MIA2: variants seen among roughly 807,000 people sequenced by gnomAD.
MIA2 encodes MIA SH3 domain ER export factor 2.
In MIA2, 127 loss-of-function variants were observed where a neutral mutation model predicts 167.8. The observed-to-expected ratio is 0.76, with a 90% confidence interval of 0.66 to 0.88. MIA2 has a LOEUF of 0.88. MIA2 is among the 40% of genes least tolerant of loss of function. The probability of loss-of-function intolerance (pLI) is 0.00; values close to 1 mark genes in which losing one functional copy is unlikely to be tolerated. For missense variants in MIA2, 1,690 were observed against 1,624.7 expected, an observed-to-expected ratio of 1.04 and a Z score of -0.69; for synonymous variants, 552 against 541.9, an observed-to-expected ratio of 1.02 and a Z score of -0.26.
intron 6 of MIA2, among the ~76,000 whole-genome samples, chr14:39,257,335 T>C (rs900060957): frequency 1.3e-5 from 2 of 152,210 alleles, no homozygotes; most frequent in African/African-American, 4.8e-5. Flanking sequence ...TTTACCATTA[T>C]GTAATGCCCT....
At chr14:39,271,316 T>A (rs1246423038) in intron 6 of MIA2, among the ~76,000 whole-genome samples, 8 of 152,246 alleles carry the variant, frequency 5.3e-5, no homozygotes, top group Admixed American at 5.2e-4. Context: ...TTCATTGGTC[T>A]GTGTCTGTCC....
At chr14:39,314,910 T>C in intron 20 of MIA2, 111 bp downstream of exon 20, 4 of 814,498 alleles carry the variant, frequency 4.9e-6, no homozygotes, top group Non-Finnish European at 7.0e-6. Flanking sequence ...ACCAGTTGTA[T>C]ACCTCTTTTG....
At chr14:39,284,993 A>G (rs1234108156) in intron 9 of MIA2, among the ~76,000 whole-genome samples, 1 of 152,174 alleles carries the variant, frequency 6.6e-6, no homozygotes, top group Non-Finnish European at 1.5e-5. Flanking sequence ...TTAGCAAAGC[A>G]CATCTTGCAC....
intron 27 of MIA2, 49 bp downstream of exon 27, chr14:39,347,820 T>A: frequency 3.3e-4 from 139 of 423,254 alleles, no homozygotes; most frequent in Non-Finnish European, 4.4e-4. Context: ...GAAGCCTTCT[T>A]TTTTTTTTTT....
At chr14:39,384,268 C>CA (rs2075226106) in intron 23 of MIA2, among the ~76,000 whole-genome samples, 1 of 152,144 alleles carries the variant, frequency 6.6e-6, no homozygotes, top group Admixed American at 6.5e-5. Flanking sequence ...AATGGAACAA[C>CA]AAAGTGTGGA....
intron 9 of MIA2, among the ~76,000 whole-genome samples, chr14:39,289,403 CA>C (rs2060415029): frequency 6.6e-6 from 1 of 152,012 alleles, no homozygotes; most frequent in Non-Finnish European, 1.5e-5. Flanking sequence ...TTAGTAGAGA[CA>C]GAGTTTCACC....
At chr14:39,302,036 T>C in intron 14 of MIA2, 93 bp from the exon 15 acceptor site, 5 of 1,377,654 alleles carry the variant, frequency 3.6e-6, no homozygotes, top group Non-Finnish European at 4.9e-6. Context: ...TTATGTGGAC[T>C]GATTTTTAAA....
intron 2 of MIA2, among the ~76,000 whole-genome samples, chr14:39,238,177 G>GTTTTTTTTTTTTTTTTTTTTTT (rs553000757): frequency 6.9e-6 from 1 of 145,382 alleles, no homozygotes; most frequent in Non-Finnish European, 1.5e-5. Flanking sequence ...AGGTGTACAA[G>GTTTTTTTTTTTTTTTTTTTTTT]TTTTTTTTTT....
chr14:39,338,541 GAA>G (rs1466316067), intron 25 of MIA2, among the ~76,000 whole-genome samples: 1 of 151,810 alleles, frequency 6.6e-6, no homozygotes, highest in Non-Finnish European at 1.5e-5. Flanking sequence ...AATTTTAGCA[GAA>G]AAAATGTTCT....
Position 39,297,096 on chromosome 14 carries a change from G to A in MIA2, c.2496+2067G>A, listed in dbSNP as rs527838353. Reference sequence around the variant, plus strand: ...CCGGCTATTGGTGGGCTTTTCTATAGGATATATATTTTTTTTGTGACAGAG... The same window carrying A: ...CCGGCTATTGGTGGGCTTTTCTATAAGATATATATTTTTTTTGTGACAGAG... On this transcript the variant is annotated intron_variant, in intron 13 of 28. Coordinates refer to ENST00000640607, the MANE Select transcript of MIA2 (RefSeq NM_001329214.4). Among the ~76,000 whole-genome samples the A allele has an allele frequency of 2.8e-3, 421 of 148,776 alleles. 3 individuals are homozygous for A. The highest frequency in any genetic ancestry group is 0.015 in the South Asian group (70 of 4,680).
chr14:39,299,172 T>C (rs2061986788), intron 13 of MIA2, among the ~76,000 whole-genome samples: 1 of 151,660 alleles, frequency 6.6e-6, no homozygotes. Context: ...TTTTAAGCTT[T>C]ATGTAGTCAA....
At chr14:39,273,483 G>C (rs1190384439) in intron 6 of MIA2, among the ~76,000 whole-genome samples, 1 of 152,074 alleles carries the variant, frequency 6.6e-6, no homozygotes, top group Non-Finnish European at 1.5e-5. Context: ...CTTCTGAGTA[G>C]CTGGGACCAC....
At chr14:39,305,850 C>T (rs6571915) in intron 17 of MIA2, among the ~76,000 whole-genome samples, 82,737 of 151,172 alleles carry the variant, frequency 0.55, 24,352 homozygotes, top group South Asian at 0.67. Flanking sequence ...GCACGAGAAT[C>T]GCTTGAACAT....
intron 9 of MIA2, among the ~76,000 whole-genome samples, chr14:39,288,475 A>T (rs866535295): frequency 0.86 from 43,259 of 50,492 alleles, 18,189 homozygotes; most frequent in East Asian, 0.87. Flanking sequence ...ATATATATAT[A>T]TTTTTTTTTT....
rs2060330712 is a variant in MIA2, at chr14:39,288,898, A to G, written c.2131-2121A>G. 1.3e-5 allele frequency among the ~76,000 whole-genome samples: 2 copies of G among 152,152 alleles called. 1 individual carries two copies. Among genetic ancestry groups the G allele is most frequent in the South Asian group, 4.1e-4 (2 of 4,834 alleles). ...TTTTGCATCAGTGTTCATCAGAGAT[A>G]TTGACCTGTAGGTTTGTTTGTTTGT... On this transcript the variant is annotated intron_variant, in intron 9 of 28. Transcript: ENST00000640607.
At chr14:39,275,229 C>T (rs1329396267) in intron 6 of MIA2, among the ~76,000 whole-genome samples, 1 of 146,550 alleles carries the variant, frequency 6.8e-6, no homozygotes, top group Non-Finnish European at 1.5e-5. Context: ...CAGCCTTTGC[C>T]TCCCAGGTTC....
chr14:39,309,049 G>T (rs1227649834), intron 18 of MIA2, among the ~76,000 whole-genome samples: 1 of 152,114 alleles, frequency 6.6e-6, no homozygotes, highest in African/African-American at 2.4e-5. Flanking sequence ...CTTCTCTCTT[G>T]CTTTTATATC....
chr14:39,381,883 G>A (rs1041599388), intron 23 of MIA2, among the ~76,000 whole-genome samples: 4 of 152,090 alleles, frequency 2.6e-5, no homozygotes, highest in African/African-American at 9.7e-5. Context: ...AATGATGCTT[G>A]CACAATTTAT....
chr14:39,339,281 G>A (rs2071230205), intron 25 of MIA2, among the ~76,000 whole-genome samples: 1 of 152,138 alleles, frequency 6.6e-6, no homozygotes, highest in East Asian at 1.9e-4. Context: ...CAGCCCAGGG[G>A]TTAGGGACCC....
Sources: allele counts gnomAD v4.1 joint callset (sites outside exome capture counted in the v4.1 genomes callset), GRCh38; gene constraint gnomAD v4.1.1; transcripts MANE v1.5; gene names NCBI Gene and HGNC (gene_info 2026-07-23, HGNC 2026-07-21).